Variants in HIVEP1 observed in about 807,000 individuals in gnomAD.
The protein encoded by HIVEP1 is zinc finger protein 40.
A neutral mutation model predicts 180.0 loss-of-function variants in HIVEP1; 36 were observed. The ratio of observed to expected loss-of-function variants is 0.20; its 90% confidence interval spans 0.15 to 0.26. The LOEUF (loss-of-function observed/expected upper bound fraction) is 0.26. HIVEP1 is among the 10% of genes least tolerant of loss of function. HIVEP1 has a pLI of 1.00. For missense variants in HIVEP1, 3,143 were observed against 3,268.7 expected, an observed-to-expected ratio of 0.96 and a Z score of 0.94; for synonymous variants, 1,239 against 1,239.0, an observed-to-expected ratio of 1.00 and a Z score of 0.00.
At chr6:12,021,075 T>C (rs1027246530) in intron 2 of HIVEP1, among the ~76,000 whole-genome samples, 1 of 152,056 alleles carries the variant, frequency 6.6e-6, no homozygotes, top group African/African-American at 2.4e-5. Context: ...GTATTTTTAG[T>C]AGAGACAGGT....
At chr6:12,136,839 A>G (rs60957247) in intron 7 of HIVEP1, among the ~76,000 whole-genome samples, 7,440 of 152,294 alleles carry the variant, frequency 0.049, 205 homozygotes, top group African/African-American at 0.073. Context: ...GAATAGAAAT[A>G]TGTTTTTGTG....
In HIVEP1 at chr6:12,063,894, A is replaced by C. The variant is rs1425472952; in HGVS notation, c.41-25290A>C. ...CTGAGCACTGCAAACCTTGGGTCTT[A>C]AGTTTGGGACTGCCAAGTGACTCCC... is the stretch of plus-strand genomic sequence containing the variant. On this transcript the variant is annotated intron_variant, in intron 2 of 8. Coordinates refer to ENST00000379388, the MANE Select transcript of HIVEP1 (RefSeq NM_002114.4). The surrounding 1 kb of genome is among the most constrained non-coding windows in gnomAD (Gnocchi z 4.2). Among the ~76,000 whole-genome samples the C allele has an allele frequency of 6.6e-6, 1 of 152,148 alleles. No homozygotes were observed. The highest frequency in any genetic ancestry group is 2.1e-4 in the South Asian group (1 of 4,834).
intron 3 of HIVEP1, among the ~76,000 whole-genome samples, chr6:12,093,543 A>T (rs1449962433): frequency 2.0e-5 from 3 of 151,286 alleles, no homozygotes; most frequent in Admixed American, 6.6e-5. Context: ...TTGTTTTTTT[A>T]AAAAAATATA....
chr6:12,146,751 A>G (rs1424125692), intron 7 of HIVEP1, among the ~76,000 whole-genome samples: 2 of 152,144 alleles, frequency 1.3e-5, no homozygotes, highest in Non-Finnish European at 2.9e-5. Context: ...CCAGAGGAGA[A>G]AAGTTTATTC....
Position 12,122,926 on chromosome 6 carries a change from A to G in HIVEP1, c.3131A>G (p.Gln1044Arg), listed in dbSNP as rs764938373. 2 of 1,613,998 alleles carry G rather than the reference A, an allele frequency of 1.2e-6. No individual in the cohort carries two copies. Among genetic ancestry groups the G allele is most frequent in the East Asian group, 2.2e-5 (1 of 44,894 alleles). ...MKSVGDDEEL[Q>R]QNESGTSPKS... Reference sequence around the variant, plus strand: ...AGTGTTGGGGATGATGAAGAACTTCAGCAAAATGAAAGTGGAACATCTCCA... The same window carrying G: ...AGTGTTGGGGATGATGAAGAACTTCGGCAAAATGAAAGTGGAACATCTCCA... The change falls in exon 4 of 9, where the codon CAG becomes CGG. Residue 1044 changes from glutamine to arginine, a missense_variant. Around this residue, in one of 12 missense-constraint regions of HIVEP1, gnomAD observed 1,357 missense variants for 1,260.5 expected, o/e 1.08. Coordinates refer to ENST00000379388, the MANE Select transcript of HIVEP1 (RefSeq NM_002114.4).
At chr6:12,036,642 G>A (rs866679771) in intron 2 of HIVEP1, among the ~76,000 whole-genome samples, 10 of 152,328 alleles carry the variant, frequency 6.6e-5, no homozygotes, top group Admixed American at 3.9e-4. Context: ...TGTGGCTCAC[G>A]CCTGTAATCC....
intron 2 of HIVEP1, among the ~76,000 whole-genome samples, chr6:12,068,532 G>C (rs939992554): frequency 6.6e-6 from 1 of 152,134 alleles, no homozygotes; most frequent in African/African-American, 2.4e-5. Flanking sequence ...GAGGAAACAG[G>C]CATCAAATAA....
chr6:12,178,480 T>C, the HIVEP1 span, among the ~76,000 whole-genome samples: 1 of 152,124 alleles, frequency 6.6e-6, no homozygotes, highest in Non-Finnish European at 1.5e-5. Context: ...AAAATATAAA[T>C]GGACAACAGG....
In HIVEP1 at chr6:12,108,605, G is replaced by C. The variant is rs1439507880; in HGVS notation, c.95-11285G>C. 2.6e-5 allele frequency among the ~76,000 whole-genome samples: 4 copies of C among 152,364 alleles called. No homozygotes were observed. In the South Asian group the frequency reaches 8.3e-4, roughly 32 times the overall value. The stretch of plus-strand genomic sequence containing the variant: ...TGGGCTGGCACTGCTGGGGGACCCA[G>C]TACACCCTCTGCAGCCGCTGGCCTG... On this transcript the variant is annotated intron_variant, in intron 3 of 8. Coordinates refer to ENST00000379388, the MANE Select transcript of HIVEP1 (RefSeq NM_002114.4).
intron 4 of HIVEP1, among the ~76,000 whole-genome samples, chr6:12,126,638 G>A (rs1758086533): frequency 6.6e-6 from 1 of 152,176 alleles, no homozygotes; most frequent in South Asian, 2.1e-4. Flanking sequence ...AGATTCATAA[G>A]CATGCAACAC....
At chr6:12,208,872 TG>T in the HIVEP1 span, among the ~76,000 whole-genome samples, 1 of 147,204 alleles carries the variant, frequency 6.8e-6, no homozygotes, top group Non-Finnish European at 1.5e-5. Flanking sequence ...CTGTGATGTT[TG>T]TTACTGAAGC....
rs375490178 is a variant in HIVEP1, at chr6:12,135,775, A to G, written c.6386-16A>G. On this transcript the variant is annotated splice_polypyrimidine_tract_variant and intron_variant, in intron 6 of 8. Transcript: ENST00000379388. ...ATCATACTACTTAAGCTTAGTAAAC[A>G]TTCTTTTCCCTTAAGGAAATCTGAC... The G allele has an allele frequency of 1.8e-5, 28 of 1,547,326 alleles. 1 individual carries two copies. The highest frequency in any genetic ancestry group is 2.4e-5 in the Non-Finnish European group (27 of 1,121,248).
At chr6:12,054,484 TATAC>T (rs145437398) in intron 2 of HIVEP1, among the ~76,000 whole-genome samples, 22,027 of 152,108 alleles carry the variant, frequency 0.14, 2,064 homozygotes, top group Non-Finnish European at 0.21. Context: ...TTTACACACA[TATAC>T]ATATGAATAT....
At chr6:12,110,323 T>C (rs1327824549) in intron 3 of HIVEP1, among the ~76,000 whole-genome samples, 1 of 152,242 alleles carries the variant, frequency 6.6e-6, no homozygotes, top group Non-Finnish European at 1.5e-5. Flanking sequence ...GGCATTGACT[T>C]CTCTCTAGTA....
In HIVEP1 at chr6:12,125,218, T is replaced by C. The variant is rs770979036; in HGVS notation, c.5423T>C (p.Leu1808Pro). ...AGACAGGTTTGTACTACAGAGCCCCTGGACGGTGTGATGTTGGAAAAGGAT... is the reference window on the plus strand; with the variant it reads ...AGACAGGTTTGTACTACAGAGCCCCCGGACGGTGTGATGTTGGAAAAGGAT... ...LVRQVCTTEP[L>P]DGVMLEKDVF... Residue 1808 changes from leucine (L) to proline (P), a missense_variant, in exon 4 of 9, where the codon CTG (leucine) becomes CCG (proline). Coordinates refer to ENST00000379388, the MANE Select transcript of HIVEP1 (RefSeq NM_002114.4). The C allele has an allele frequency of 3.7e-6, 6 of 1,614,110 alleles. No homozygotes were observed. In the Admixed American group the frequency reaches 6.7e-5, roughly 18 times the overall value.
At chr6:12,023,867 ATACATAATT>A (rs1475838736) in intron 2 of HIVEP1, among the ~76,000 whole-genome samples, 1 of 152,230 alleles carries the variant, frequency 6.6e-6, no homozygotes, top group Admixed American at 6.5e-5. Context: ...GAACGGAAAA[ATACATAATT>A]TGTGTAAAAT....
At chr6:12,069,605 G>A (rs897019642) in intron 2 of HIVEP1, among the ~76,000 whole-genome samples, 2 of 150,038 alleles carry the variant, frequency 1.3e-5, no homozygotes, top group African/African-American at 4.9e-5. Context: ...ATAGCATTGG[G>A]AGATATACCT....
chr6:12,148,456 G>C (rs1759503014), intron 7 of HIVEP1, among the ~76,000 whole-genome samples: 1 of 152,212 alleles, frequency 6.6e-6, no homozygotes. Flanking sequence ...TCTTAGCCCA[G>C]TCAGTGAGGA....
At chr6:12,075,853 G>GAAAC (rs1410834332) in intron 2 of HIVEP1, among the ~76,000 whole-genome samples, 2 of 152,054 alleles carry the variant, frequency 1.3e-5, no homozygotes, top group African/African-American at 4.8e-5. Context: ...ATACCTTTGT[G>GAAAC]AAACAAACAA....
Sources: gnomAD v4.1 joint callset for allele counts (sites outside exome capture counted in the v4.1 genomes callset) on GRCh38, gnomAD v4.1.1 for gene constraint, gnomAD v4.1.1 regional missense constraint, Gnocchi (gnomAD v3.1) non-coding constraint, MANE v1.5 for transcripts, NCBI Gene and HGNC (gene_info 2026-07-23, HGNC 2026-07-21) for gene names.